Variants in NAA35 observed in about 807,000 individuals in gnomAD.
NAA35 encodes the protein MAK10 homolog, amino-acid N-acetyltransferase subunit.
A neutral mutation model predicts 101.7 loss-of-function variants in NAA35; 18 were observed. The ratio of observed to expected loss-of-function variants is 0.18; its 90% CI spans 0.12 to 0.26. The LOEUF (loss-of-function observed/expected upper bound fraction) is 0.26. Ranked by LOEUF, NAA35 falls within the 10% of genes least tolerant of loss-of-function variation. NAA35 has a pLI of 1.00. For missense variants in NAA35, 601 were observed against 886.8 expected (o/e 0.68, Z 4.09); for synonymous variants, 267 against 273.1 (o/e 0.98, Z 0.22).
rs77596596 is a variant in NAA35, at chr9:86,021,566, A to G, written c.2119-335A>G. Among the ~76,000 whole-genome samples, 752 of 152,206 alleles carry G rather than the reference A, an allele frequency of 4.9e-3. 2 individuals carry two copies. Among genetic ancestry groups the G allele is most frequent in the African/African-American group, 0.015 (628 of 41,526 alleles). On this transcript the variant is annotated intron_variant, in intron 22 of 22. Coordinates refer to ENST00000361671, the MANE Select transcript of NAA35 (RefSeq NM_024635.4). ...GACTCTCATCTCATTGCTTAGTTCT[A>G]TCAGTTACCTGGAGCTAAAAAGTGT...
At chr9:85,986,075 A>G (rs1440034731) in intron 11 of NAA35, among the ~76,000 whole-genome samples, 1 of 152,212 alleles carries the variant, frequency 6.6e-6, no homozygotes, top group Admixed American at 6.5e-5. Flanking sequence ...ATGTATGGAC[A>G]AGTCCAGATT....
At chr9:86,010,547 T>C (rs1165279443) in intron 15 of NAA35, among the ~76,000 whole-genome samples, 1 of 151,020 alleles carries the variant, frequency 6.6e-6, no homozygotes, top group Non-Finnish European at 1.5e-5. Flanking sequence ...ATAAAAACTT[T>C]ACTTTTTTTT....
intron 2 of NAA35, among the ~76,000 whole-genome samples, chr9:85,948,424 C>T (rs1587551525): frequency 6.6e-6 from 1 of 152,174 alleles, no homozygotes; most frequent in Non-Finnish European, 1.5e-5. Context: ...ATAGAACTTT[C>T]TTCTTGATCC....
chr9:85,958,794 T>C (rs926604348), intron 4 of NAA35, among the ~76,000 whole-genome samples: 1 of 152,198 alleles, frequency 6.6e-6, no homozygotes, highest in African/African-American at 2.4e-5. Context: ...ATTTGTGCAT[T>C]TGTGTACTTT....
intron 6 of NAA35, among the ~76,000 whole-genome samples, chr9:85,964,524 G>C (rs977079231): frequency 6.6e-6 from 1 of 152,118 alleles, no homozygotes; most frequent in African/African-American, 2.4e-5. Context: ...TACAATACAG[G>C]ATCCAGTTTA....
intron 13 of NAA35, among the ~76,000 whole-genome samples, chr9:86,005,553 A>G (rs1050687612): frequency 1.3e-5 from 2 of 152,194 alleles, no homozygotes; most frequent in African/African-American, 4.8e-5. Flanking sequence ...CTATTTAGAG[A>G]TGACATCATT....
chr9:86,018,955 G>A (rs1361987683), intron 21 of NAA35, 134 bp downstream of exon 21: 5 of 1,151,858 alleles, frequency 4.3e-6, no homozygotes, highest in Non-Finnish European at 4.8e-6. Flanking sequence ...TTCTGCGAAG[G>A]ATTTCAGGTA....
intron 16 of NAA35, among the ~76,000 whole-genome samples, chr9:86,013,468 G>A (rs530688074): frequency 3.9e-5 from 6 of 152,156 alleles, no homozygotes; most frequent in Non-Finnish European, 8.8e-5. Context: ...ATATTGATAA[G>A]ACCTGAAGTG....
At chr9:86,000,380 C>T (rs567054309) in intron 12 of NAA35, among the ~76,000 whole-genome samples, 15 of 152,160 alleles carry the variant, frequency 9.9e-5, no homozygotes, top group African/African-American at 3.4e-4. Context: ...GAGTCTCTAC[C>T]AGGTTTTGGT....
At position 85,978,358 on chromosome 9, in the gene NAA35, C is replaced by T. The variant is rs1291836069; in HGVS notation, c.854C>T (p.Ala285Val). ...IHNSLHHGIQAQNDTTKGDHP... is the reference protein window; with the variant it reads ...IHNSLHHGIQVQNDTTKGDHP... ...AATTCATTGCATCATGGCATCCAGGCCCAGAATGATACTACAAAAGGAGGT... is the reference window on the plus strand; with the variant it reads ...AATTCATTGCATCATGGCATCCAGGTCCAGAATGATACTACAAAAGGAGGT... Residue 285 changes from alanine to valine, a missense_variant, in exon 11 of 23, where the codon GCC becomes GTC. Coordinates refer to ENST00000361671, the MANE Select transcript of NAA35 (RefSeq NM_024635.4). 1 of 1,608,422 alleles carries T rather than the reference C, an allele frequency of 6.2e-7. No homozygotes were observed. Among genetic ancestry groups the T allele is most frequent in the Non-Finnish European group, 8.5e-7 (1 of 1,175,088 alleles).
intron 17 of NAA35, chr9:86,015,586 C>G (rs12375993): frequency 2.5e-5 from 9 of 354,542 alleles, no homozygotes; most frequent in Non-Finnish European, 2.4e-5. Flanking sequence ...ATTTGCATTT[C>G]TAACTGGTTC....
At chr9:85,988,319 A>C (rs1293264549) in intron 11 of NAA35, among the ~76,000 whole-genome samples, 1 of 152,254 alleles carries the variant, frequency 6.6e-6, no homozygotes, top group Non-Finnish European at 1.5e-5. Flanking sequence ...GAAAGAATTT[A>C]TTTAAAAATG....
intron 12 of NAA35, among the ~76,000 whole-genome samples, chr9:86,000,095 T>C (rs1441816641): frequency 6.6e-6 from 1 of 152,216 alleles, no homozygotes; most frequent in South Asian, 2.1e-4. Flanking sequence ...TTATTGAGAG[T>C]GTAACATGAA....
intron 6 of NAA35, among the ~76,000 whole-genome samples, chr9:85,969,740 C>T (rs1186548033): frequency 6.6e-6 from 1 of 151,948 alleles, no homozygotes; most frequent in Non-Finnish European, 1.5e-5. Flanking sequence ...TGGTACACCT[C>T]TGTAGTCCCA....
Position 85,976,648 on chromosome 9 carries a change from C to A in NAA35, c.628-37C>A, listed in dbSNP as rs752304399. On this transcript the variant is annotated intron_variant, in intron 8 of 22. Coordinates refer to ENST00000361671, the MANE Select transcript of NAA35 (RefSeq NM_024635.4). The stretch of plus-strand genomic sequence containing the variant: ...ATGTATTTGTAATGTAATATTTTTT[C>A]AGGTTTGTGTTTAATTCACCTTTTT... 14 of 1,438,488 alleles carry A rather than the reference C, an allele frequency of 9.7e-6. No individual in the cohort carries two copies. In the South Asian group the frequency reaches 1.5e-4, roughly 16 times the overall value. 89.1% of individuals were successfully genotyped at this position (1,438,488 alleles called of 1,614,324 possible).
In NAA35 at chr9:85,957,933, T is replaced by A. The variant is rs903903577; in HGVS notation, c.159-539T>A. On this transcript the variant is annotated intron_variant, in intron 3 of 22. Transcript: ENST00000361671. ...GGTCTAGTGTGAGACCACAGACATC[T>A]TATATATTTTCTTTTTTTTTTTTTT... Among the ~76,000 whole-genome samples, 72 of 151,868 alleles carry A rather than the reference T, an allele frequency of 4.7e-4. 1 individual carries two copies. Among genetic ancestry groups the A allele is most frequent in the South Asian group, 8.3e-4 (4 of 4,806 alleles).
chr9:85,971,565 T>C (rs1320321830), intron 6 of NAA35, among the ~76,000 whole-genome samples: 2 of 152,202 alleles, frequency 1.3e-5, no homozygotes, highest in African/African-American at 4.8e-5. Flanking sequence ...ACCTCTAGGC[T>C]TGAGTCTTTC....
At chr9:85,976,767 CAGAG>C in intron 9 of NAA35, 32 bp downstream of exon 9, 1 of 1,472,298 alleles carries the variant, frequency 6.8e-7, no homozygotes, top group Non-Finnish European at 9.4e-7. Context: ...TAGATAATAT[CAGAG>C]AAGTCTACCT....
intron 2 of NAA35, among the ~76,000 whole-genome samples, chr9:85,944,947 A>G (rs1318259757): frequency 1.3e-5 from 2 of 152,242 alleles, no homozygotes. Context: ...AAATACGACT[A>G]TAAAGGTCCT....
Sources: allele counts gnomAD v4.1 joint callset (sites outside exome capture counted in the v4.1 genomes callset), GRCh38; gene constraint gnomAD v4.1.1; transcripts MANE v1.5; gene names NCBI Gene and HGNC (gene_info 2026-07-23, HGNC 2026-07-21).